UTRN: variants seen among roughly 807,000 people sequenced by gnomAD.
UTRN encodes the protein utrophin.
In UTRN, 283 loss-of-function variants were observed where a neutral mutation model predicts 463.9. The ratio of observed to expected loss-of-function variants is 0.61; its 90% CI spans 0.55 to 0.67. The LOEUF (loss-of-function observed/expected upper bound fraction) is 0.67. UTRN is among the 30% of genes least tolerant of loss of function. The pLI is 0.00. For missense variants in UTRN, 3,922 were observed against 4,084.3 expected (o/e 0.96, Z 1.08); for synonymous variants, 1,442 against 1,431.5 (o/e 1.01, Z -0.17).
intron 51 of UTRN, among the ~76,000 whole-genome samples, chr6:144,583,906 A>G (rs1802214493): frequency 6.6e-6 from 1 of 152,230 alleles, no homozygotes; most frequent in African/African-American, 2.4e-5. Flanking sequence ...CCTCTCTGGT[A>G]CTTTGCAGTA....
At chr6:144,770,773 A>C (rs1249061768) in intron 58 of UTRN, among the ~76,000 whole-genome samples, 1 of 152,248 alleles carries the variant, frequency 6.6e-6, no homozygotes, top group African/African-American at 2.4e-5. Flanking sequence ...ACAATTTAAT[A>C]CATATAGAAA....
intron 51 of UTRN, among the ~76,000 whole-genome samples, chr6:144,590,291 A>G (rs1227732730): frequency 6.6e-6 from 1 of 152,208 alleles, no homozygotes; most frequent in East Asian, 1.9e-4. Flanking sequence ...GCACTTTGAT[A>G]AGAAAGATGG....
intron 9 of UTRN, among the ~76,000 whole-genome samples, chr6:144,432,939 C>T (rs1193823234): frequency 2.6e-5 from 4 of 151,996 alleles, no homozygotes; most frequent in East Asian, 3.9e-4. Flanking sequence ...CATCTTGCAC[C>T]GCCCTTAATC....
At chr6:144,794,079 G>A in intron 63 of UTRN, 88 bp downstream of exon 63, 1 of 1,520,620 alleles carries the variant, frequency 6.6e-7, no homozygotes. Flanking sequence ...ACTCGGGCTG[G>A]AGCCAAATAC....
Position 144,370,208 on chromosome 6 carries a change from C to A in UTRN, c.80-32915C>A, listed in dbSNP as rs575372153. On this transcript the variant is annotated intron_variant, in intron 2 of 74. Transcript: ENST00000367545. ...CAGGGCATGTCAGAGGTCTTCACGG[C>A]AGCCCCTCCCATCCCAAGCCAGGAG... Among the ~76,000 whole-genome samples the A allele has an allele frequency of 1.4e-3, 215 of 152,288 alleles. 1 individual carries two copies. Among genetic ancestry groups the A allele is most frequent in the African/African-American group, 5.1e-3 (211 of 41,562 alleles).
chr6:144,376,584 C>A (rs1027018030), intron 2 of UTRN, among the ~76,000 whole-genome samples: 1 of 152,128 alleles, frequency 6.6e-6, no homozygotes, highest in Non-Finnish European at 1.5e-5. Flanking sequence ...GTGTGAGCTA[C>A]CATGCCCAGG....
At chr6:144,837,737 T>C (rs986231820) in intron 71 of UTRN, among the ~76,000 whole-genome samples, 5 of 152,208 alleles carry the variant, frequency 3.3e-5, no homozygotes, top group African/African-American at 1.2e-4. Context: ...CAAAACAGTG[T>C]CATTTCTGCC....
At chr6:144,326,938 A>G (rs761387294) in intron 2 of UTRN, among the ~76,000 whole-genome samples, 1 of 152,152 alleles carries the variant, frequency 6.6e-6, no homozygotes, top group Non-Finnish European at 1.5e-5. Context: ...CTGCGTCTCT[A>G]GGCCACCTGG....
intron 53 of UTRN, 25 bp downstream of exon 53, chr6:144,700,268 C>A: frequency 1.9e-6 from 3 of 1,579,790 alleles, no homozygotes; most frequent in South Asian, 1.2e-5. Flanking sequence ...TATAGTGAGT[C>A]GCTTAATTCA....
rs370693196 is a variant in UTRN at position 144,417,440 on chromosome 6, T to C, written c.142-4438T>C. Among the ~76,000 whole-genome samples the C allele has an allele frequency of 1.1e-4, 16 of 152,356 alleles. 1 individual carries two copies. In the East Asian group the frequency reaches 2.7e-3, roughly 26 times the overall value. On this transcript the variant is annotated intron_variant, in intron 3 of 74. Coordinates refer to ENST00000367545, the MANE Select transcript of UTRN (RefSeq NM_007124.3). ...GCCTGTAGAATGAAGAAGATGATGC[T>C]GTTTTTCTCGAAATACTATTATAAG...
At chr6:144,391,087 T>G (rs1781875174) in intron 2 of UTRN, among the ~76,000 whole-genome samples, 1 of 152,196 alleles carries the variant, frequency 6.6e-6, no homozygotes, top group Non-Finnish European at 1.5e-5. Flanking sequence ...CTTTTTTTTT[T>G]TTGACACAAG....
chr6:144,591,086 T>C (rs188641243), intron 51 of UTRN, among the ~76,000 whole-genome samples: 35 of 152,260 alleles, frequency 2.3e-4, no homozygotes, highest in Admixed American at 7.2e-4. Flanking sequence ...CACAGTCTCA[T>C]GTCTCTTGGT....
chr6:144,836,858 G>A lies in UTRN; in HGVS notation c.10065+317G>A, dbSNP rs371056012. Among the ~76,000 whole-genome samples the A allele has an allele frequency of 9.2e-5, 14 of 152,276 alleles. No homozygotes were observed. The East Asian group carries it at 1.2e-3, about 13-fold the overall frequency. On this transcript the variant is annotated intron_variant, in intron 71 of 74. Coordinates refer to ENST00000367545, the MANE Select transcript of UTRN (RefSeq NM_007124.3). ...CCTAAATTATACATGGGAAGCATCT[G>A]TATTAAGGAACAGCAAGAGACCTGA...
Position 144,851,132 on chromosome 6 carries a change from A to G in UTRN, c.*135A>G. ...ATGTTGAGTGCTGACTGTGTGTTCT[A>G]CTGAAAGAGTAAAACACTGACTATC... On this transcript the variant is annotated 3_prime_UTR_variant, in exon 75 of 75. Coordinates refer to ENST00000367545, the MANE Select transcript of UTRN (RefSeq NM_007124.3). The G allele has an allele frequency of 9.0e-7, 1 of 1,117,288 alleles. No individual in the cohort carries two copies. Among genetic ancestry groups the G allele is most frequent in the South Asian group, 1.3e-5 (1 of 79,320 alleles). 69.2% of individuals were successfully genotyped at this position (1,117,288 alleles called of 1,614,324 possible).
At chr6:144,748,706 C>T (rs1259593789) in intron 55 of UTRN, among the ~76,000 whole-genome samples, 192 bp downstream of exon 55, 1 of 152,150 alleles carries the variant, frequency 6.6e-6, no homozygotes, top group Admixed American at 6.6e-5. Context: ...GAACCCCCTG[C>T]CCCCAAATAA....
At chr6:144,473,598 T>G in intron 23 of UTRN, 122 bp from the exon 24 acceptor site, 1 of 585,272 alleles carries the variant, frequency 1.7e-6, no homozygotes, top group Non-Finnish European at 2.9e-6. Context: ...AGAAATAACA[T>G]AAATGAAAGC....
chr6:144,745,038 C>T (rs1453522261), intron 54 of UTRN, among the ~76,000 whole-genome samples: 1 of 152,164 alleles, frequency 6.6e-6, no homozygotes, highest in African/African-American at 2.4e-5. Context: ...GAAATCACTA[C>T]CTTTTGGGGG....
intron 50 of UTRN, among the ~76,000 whole-genome samples, chr6:144,573,331 C>T (rs1196280604): frequency 6.6e-6 from 1 of 151,532 alleles, no homozygotes; most frequent in Non-Finnish European, 1.5e-5. Flanking sequence ...GCAGGCAGAT[C>T]ACTTGAAGTT....
chr6:144,459,285 G>C lies in UTRN; in HGVS notation c.2638G>C (p.Asp880His). 6.2e-7 allele frequency: 1 copy of C among 1,614,042 alleles called. No homozygotes were observed. The highest frequency in any genetic ancestry group is 8.5e-7 in the Non-Finnish European group (1 of 1,179,992). ...SAPDFVQRGF[D>H]SFLGRYQAVQ... ...CCCAGATTTTGTCCAGCGGGGCTTC[G>C]ATAGCTTTCTGGGCCGCTACCAAGC... The change falls in exon 21 of 75, where the codon GAT becomes CAT. Residue 880 changes from aspartate (D) to histidine (H), a missense_variant. Around this residue, in one of 3 missense-constraint regions of UTRN, gnomAD observed 2,349 missense variants for 2,303.8 expected, o/e 1.02. Coordinates refer to ENST00000367545, the MANE Select transcript of UTRN (RefSeq NM_007124.3).
Sources: allele counts gnomAD v4.1 joint callset (sites outside exome capture counted in the v4.1 genomes callset), GRCh38; gene constraint gnomAD v4.1.1; regional missense constraint gnomAD v4.1.1; transcripts MANE v1.5; gene names NCBI Gene and HGNC (gene_info 2026-07-23, HGNC 2026-07-21).